PPARGC1A: variants seen among roughly 807,000 people sequenced by gnomAD.
PPARGC1A encodes PPARG coactivator 1 alpha.
A neutral mutation model predicts 88.7 loss-of-function variants in PPARGC1A; 25 were observed. That is an observed-to-expected ratio of 0.28 (90% CI 0.21 to 0.39). The LOEUF is 0.39. Among genes scored for constraint, PPARGC1A ranks in the 10% least tolerant of loss-of-function variants. The pLI, the probability that PPARGC1A is intolerant of heterozygous loss-of-function variation, is 1.00. For missense variants in PPARGC1A, 880 were observed against 968.7 expected (o/e 0.91, Z 1.22); for synonymous variants, 363 against 355.6 (o/e 1.02, Z -0.24).
At chr4:23,899,963 G>A (rs1001771985), upstream of PPARGC1A, among the ~76,000 whole-genome samples, 1 of 151,384 alleles carries the variant, frequency 6.6e-6, no homozygotes, top group African/African-American at 2.4e-5. Context: ...AGAAAAGAAA[G>A]AGAAATAAAT....
At chr4:23,828,199 T>A (rs144720558) in intron 5 of PPARGC1A, among the ~76,000 whole-genome samples, 35 of 152,310 alleles carry the variant, frequency 2.3e-4, no homozygotes, top group African/African-American at 7.7e-4. Context: ...TGAATTAGAC[T>A]GCCTATCAGC....
intron 1 of PPARGC1A, chr4:23,889,365 T>C (rs1717447777): frequency 1.0e-6 from 1 of 985,230 alleles, no homozygotes; most frequent in African/African-American, 1.7e-5. Context: ...TTGTTTTGTG[T>C]TCTGTGGGAA....
At chr4:24,061,595 T>C in the PPARGC1A span, among the ~76,000 whole-genome samples, 2 of 152,210 alleles carry the variant, frequency 1.3e-5, no homozygotes, top group Admixed American at 6.5e-5. Flanking sequence ...GACCATACAC[T>C]AAGCAATAGA....
chr4:24,196,509 T>C, the PPARGC1A span, among the ~76,000 whole-genome samples: 1 of 152,134 alleles, frequency 6.6e-6, no homozygotes, highest in Non-Finnish European at 1.5e-5. Flanking sequence ...GCAATGATCT[T>C]TACAAAGCAA....
chr4:24,153,098 G>A, the PPARGC1A span, among the ~76,000 whole-genome samples: 2 of 152,300 alleles, frequency 1.3e-5, no homozygotes, highest in Middle Eastern at 3.4e-3. Flanking sequence ...TTGAATACAG[G>A]AGGCGAAATG....
At chr4:23,956,028 A>C in the PPARGC1A span, among the ~76,000 whole-genome samples, 655 of 152,240 alleles carry the variant, frequency 4.3e-3, 6 homozygotes, top group African/African-American at 0.015. Flanking sequence ...TGGCTATCCA[A>C]TAAAACTATT....
the PPARGC1A span, among the ~76,000 whole-genome samples, chr4:23,925,399 A>C: frequency 6.6e-6 from 1 of 152,246 alleles, no homozygotes; most frequent in Non-Finnish European, 1.5e-5. Context: ...ACACCTGTTA[A>C]AGGAGCATAA....
At chr4:24,195,748 T>G in the PPARGC1A span, among the ~76,000 whole-genome samples, 1 of 152,358 alleles carries the variant, frequency 6.6e-6, no homozygotes, top group African/African-American at 2.4e-5. Flanking sequence ...TTTCCCATTC[T>G]TTTCATTTTT....
the PPARGC1A span, among the ~76,000 whole-genome samples, chr4:24,084,687 T>A: frequency 6.6e-6 from 1 of 152,172 alleles, no homozygotes; most frequent in Admixed American, 6.5e-5. Context: ...GCCTTATGAA[T>A]CTGATATTTG....
the PPARGC1A span, among the ~76,000 whole-genome samples, chr4:24,174,239 A>G: frequency 1.3e-5 from 2 of 152,212 alleles, no homozygotes; most frequent in Non-Finnish European, 2.9e-5. Context: ...ACGGAAAGCC[A>G]TCAAGTAAAC....
the PPARGC1A span, among the ~76,000 whole-genome samples, chr4:24,165,998 T>C: frequency 6.6e-6 from 1 of 152,220 alleles, no homozygotes; most frequent in Non-Finnish European, 1.5e-5. Context: ...AGTAGGCCTC[T>C]TGTGCCAAAC....
Position 23,804,473 on chromosome 4 carries a change from G to T in PPARGC1A, c.2020-2128C>A, listed in dbSNP as rs1342757498. ...TCTCCTAACTTGGATCTGTGTCCAT[G>T]TTTATTCTTCTCCAATCTATTCTTC... On this transcript the variant is annotated intron_variant, in intron 10 of 12. Coordinates refer to ENST00000264867, the MANE Select transcript of PPARGC1A (RefSeq NM_013261.5). Among the ~76,000 whole-genome samples, 3 of 152,262 alleles carry T rather than the reference G, an allele frequency of 2.0e-5. No individual in the cohort carries two copies. In the East Asian group the frequency reaches 5.8e-4, roughly 29 times the overall value.
the PPARGC1A span, among the ~76,000 whole-genome samples, chr4:24,227,474 T>C: frequency 6.6e-6 from 1 of 151,998 alleles, no homozygotes; most frequent in Non-Finnish European, 1.5e-5. Flanking sequence ...ATCCAGGTTG[T>C]TGAGAATATT....
chr4:24,289,503 G>C, the PPARGC1A span, among the ~76,000 whole-genome samples: 1 of 152,122 alleles, frequency 6.6e-6, no homozygotes, highest in African/African-American at 2.4e-5. Context: ...CCCCTCATGG[G>C]AAGTTTTCTC....
intron 8 of PPARGC1A, 81 bp from the exon 9 acceptor site, chr4:23,813,206 G>A: frequency 8.5e-7 from 1 of 1,174,058 alleles, no homozygotes; most frequent in South Asian, 1.3e-5. Context: ...AGCATCCTCT[G>A]GGACACTGTA....
chr4:24,226,807 AC>A, the PPARGC1A span, among the ~76,000 whole-genome samples: 3 of 152,126 alleles, frequency 2.0e-5, no homozygotes, highest in African/African-American at 7.2e-5. Flanking sequence ...ATCTGGCTCA[AC>A]CCCTTCCAGC....
At position 23,801,884 on chromosome 4, in the gene PPARGC1A, G is replaced by T. The variant is rs1718822348; in HGVS notation, c.2142-3C>A. On this transcript the variant is annotated splice_polypyrimidine_tract_variant and splice_region_variant and intron_variant, in intron 11 of 12. Transcript: ENST00000264867. ...AGGTAATGAAACCATAGCTGTCTCTGCAACGGACAAAGAAAAGTTCAAAGC... is the reference window on the plus strand; with the variant it reads ...AGGTAATGAAACCATAGCTGTCTCTTCAACGGACAAAGAAAAGTTCAAAGC... 1.2e-6 allele frequency: 2 copies of T among 1,613,674 alleles called. No individual in the cohort carries two copies.
At chr4:24,395,080 T>C in the PPARGC1A span, among the ~76,000 whole-genome samples, 1 of 152,208 alleles carries the variant, frequency 6.6e-6, no homozygotes, top group Non-Finnish European at 1.5e-5. Flanking sequence ...GTCCTACTTC[T>C]GCCACTCACC....
chr4:23,910,896 A>T, the PPARGC1A span, among the ~76,000 whole-genome samples: 17 of 152,224 alleles, frequency 1.1e-4, 1 homozygote, highest in South Asian at 3.3e-3. Context: ...AGGAAGGGTG[A>T]CACTTGAACC....
Sources: gnomAD v4.1 joint callset for allele counts (sites outside exome capture counted in the v4.1 genomes callset) on GRCh38, gnomAD v4.1.1 for gene constraint, MANE v1.5 for transcripts, NCBI Gene and HGNC (gene_info 2026-07-23, HGNC 2026-07-21) for gene names.